Variants in ATP1B2 observed in about 807,000 individuals in gnomAD.
The protein encoded by ATP1B2 is sodium/potassium-transporting ATPase subunit beta-2.
ATP1B2 carries 12 observed loss-of-function variants against 37.3 expected under a neutral mutation model. That is an observed-to-expected ratio of 0.32 (90% CI 0.21 to 0.52). The LOEUF is 0.52. ATP1B2 is among the 20% of genes least tolerant of loss of function. The pLI, the probability that ATP1B2 is intolerant of heterozygous loss-of-function variation, is 0.96. For missense variants in ATP1B2, 324 were observed against 391.6 expected (o/e 0.83, Z 1.46); for synonymous variants, 139 against 140.5 (o/e 0.99, Z 0.07).
Position 7,656,071 on chromosome 17 carries a change from C to T in ATP1B2, c.*176C>T, listed in dbSNP as rs530539917. On this transcript the variant is annotated 3_prime_UTR_variant, in exon 7 of 7. Coordinates refer to ENST00000250111, the MANE Select transcript of ATP1B2 (RefSeq NM_001678.5). The stretch of plus-strand genomic sequence containing the variant: ...CCCAGCCTGAAGTCCATTGCGGTTC[C>T]GTCACTCGCCTTTCCCACCAACTTC... 1.1e-5 allele frequency: 9 copies of T among 834,318 alleles called. No homozygotes were observed. Among genetic ancestry groups the T allele is most frequent in the African/African-American group, 8.6e-5 (5 of 58,412 alleles). 51.7% of individuals were successfully genotyped at this position (834,318 alleles called of 1,614,324 possible). A position where few individuals can be genotyped will look rare whatever the true frequency, so the allele number is the denominator to read the frequency against.
intron 2 of ATP1B2, 74 bp downstream of exon 2, chr17:7,653,576 G>C (rs1393565674): frequency 6.3e-7 from 1 of 1,577,846 alleles, no homozygotes; most frequent in Non-Finnish European, 8.6e-7. Context: ...GGAACTCATA[G>C]TTCCTTCCAG....
Position 7,655,451 on chromosome 17 carries a change from A to C in ATP1B2, c.610-76A>C. 1 of 1,416,172 alleles carries C rather than the reference A, an allele frequency of 7.1e-7. No individual in the cohort carries two copies. Among genetic ancestry groups the C allele is most frequent in the East Asian group, 2.3e-5 (1 of 43,914 alleles). 87.7% of individuals were successfully genotyped at this position (1,416,172 alleles called of 1,614,324 possible). A position where few individuals can be genotyped will look rare whatever the true frequency, so the allele number is the denominator to read the frequency against. ...TGGGGCGAAGGAAGAACAAAAGAAC[A>C]AATGGAAGTCTGGTGAGCTCCTGGG... On this transcript the variant is annotated intron_variant, in intron 5 of 6. Transcript: ENST00000250111. The surrounding 1 kb of genome is among the most constrained non-coding windows in gnomAD (Gnocchi z 4.4).
Position 7,651,639 on chromosome 17 carries a change from GGCC to G in ATP1B2, c.112+11_112+13del. Reference sequence around the variant, plus strand: ...CACCGGGACCAGCTGGGGTACGCAGGGCCGGCACGCAAGGGGCGGGGGAAAGCC... The same window carrying G: ...CACCGGGACCAGCTGGGGTACGCAGGGGCACGCAAGGGGCGGGGGAAAGCC... On this transcript the variant is annotated intron_variant, in intron 1 of 6. Transcript: ENST00000250111. 1 of 1,586,048 alleles carries G rather than the reference GGCC, an allele frequency of 6.3e-7. No homozygotes were observed.
Position 7,653,772 on chromosome 17 carries a change from A to G in ATP1B2, c.242-69A>G, listed in dbSNP as rs1273486273. ...CCCCACTCTGGTGTTCCCTGTGTCC[A>G]TTTTCTTCCCTCTGTGTGCAGTCCC... On this transcript the variant is annotated intron_variant, in intron 2 of 6. Transcript: ENST00000250111. 4 of 1,499,226 alleles carry G rather than the reference A, an allele frequency of 2.7e-6. No individual in the cohort carries two copies. In the African/African-American group the frequency reaches 5.5e-5, roughly 21 times the overall value. The allele number at this position is 1,499,226 out of a possible 1,614,324, so 92.9% of individuals were successfully genotyped here.
Position 7,655,133 on chromosome 17 carries a change from C to G in ATP1B2, c.610-394C>G, listed in dbSNP as rs116625383. 459 of 323,244 alleles carry G rather than the reference C, an allele frequency of 1.4e-3. 6 individuals are homozygous for G. Among genetic ancestry groups the G allele is most frequent in the African/African-American group, 9.4e-3 (439 of 46,864 alleles). The allele number at this position is 323,244 out of a possible 1,614,324, so 20.0% of individuals were successfully genotyped here. On this transcript the variant is annotated intron_variant, in intron 5 of 6. Transcript: ENST00000250111. This position sits in a 1 kb window ranked among gnomAD's most constrained non-coding sequence, Gnocchi z 4.4. ...TGGGACCCTGTTCCCCGCTTCCCCC[C>G]CGGTCTGTCCTTTCTAGAAACTGGC...
chr17:7,653,573 A>C (rs2072628063), intron 2 of ATP1B2, 71 bp downstream of exon 2: 1 of 1,578,254 alleles, frequency 6.3e-7, no homozygotes, highest in Non-Finnish European at 8.6e-7. Context: ...GAAGGAACTC[A>C]TAGTTCCTTC....
In ATP1B2 at chr17:7,654,220, G is replaced by C; in HGVS notation, c.515G>C (p.Ser172Thr). 1 of 1,614,090 alleles carries C rather than the reference G, an allele frequency of 6.2e-7. No homozygotes were observed. Among genetic ancestry groups the C allele is most frequent in the African/African-American group, 1.3e-5 (1 of 75,048 alleles). Reference protein sequence around the residue: ...GIGDSTHYGYSTGQPCVFIKM... With the variant: ...GIGDSTHYGYTTGQPCVFIKM... ...GGGGACTCCACCCACTATGGTTACA[G>C]CACTGGGCAGCCCTGTGTCTTCATC... Residue 172 changes from serine (S) to threonine (T), a missense_variant, in exon 4 of 7, where the codon AGC (serine) becomes ACC (threonine). Physicochemically the swap from Ser to Thr is moderately conservative, Grantham distance 58. Coordinates refer to ENST00000250111, the MANE Select transcript of ATP1B2 (RefSeq NM_001678.5). This position sits in a 1 kb window ranked among gnomAD's most constrained non-coding sequence, Gnocchi z 4.9.
chr17:7,651,758 T>TG lies in ATP1B2; in HGVS notation c.112+131dup, dbSNP rs1371963994. Reference sequence around the variant, plus strand: ...GGCGTCCAGCCTCCCTGCCGGGCTCTGGGCTGGGAGGGGGCCGAATCGCCA... The same window carrying TG: ...GGCGTCCAGCCTCCCTGCCGGGCTCTGGGGCTGGGAGGGGGCCGAATCGCCA... On this transcript the variant is annotated intron_variant, in intron 1 of 6. Transcript: ENST00000250111. 5 of 808,258 alleles carry TG rather than the reference T, an allele frequency of 6.2e-6. No individual in the cohort carries two copies. In the East Asian group the frequency reaches 1.3e-4, roughly 21 times the overall value. 50.1% of individuals were successfully genotyped at this position (808,258 alleles called of 1,614,324 possible).
chr17:7,654,956 G>A lies in ATP1B2; in HGVS notation c.609+272G>A. The A allele has an allele frequency of 2.1e-6, 1 of 478,614 alleles. No homozygotes were observed. The highest frequency in any genetic ancestry group is 3.8e-6 in the Non-Finnish European group (1 of 264,410). The allele number at this position is 478,614 out of a possible 1,614,324, so 29.6% of individuals were successfully genotyped here. A position where few individuals can be genotyped will look rare whatever the true frequency, so the allele number is the denominator to read the frequency against. On this transcript the variant is annotated intron_variant, in intron 5 of 6. Coordinates refer to ENST00000250111, the MANE Select transcript of ATP1B2 (RefSeq NM_001678.5). This position sits in a 1 kb window ranked among gnomAD's most constrained non-coding sequence, Gnocchi z 4.9. ...TCCTCCACCAACGCCCTGGCCTCTG[G>A]CTTCTCTCCCTAACGCTTCCACCTT...
At chr17:7,652,096 C>T (rs1258745860) in intron 1 of ATP1B2, among the ~76,000 whole-genome samples, 1 of 151,962 alleles carries the variant, frequency 6.6e-6, no homozygotes. Flanking sequence ...TTCTTCACGG[C>T]GGAAGTTGTC....
chr17:7,651,670 G>A (rs1370527480), intron 1 of ATP1B2, 40 bp downstream of exon 1: 1 of 1,531,156 alleles, frequency 6.5e-7, no homozygotes, highest in South Asian at 1.2e-5. Context: ...GGAAAGCCGC[G>A]GGGCGACGCC....
rs375329674 is a variant in ATP1B2 at position 7,655,540 on chromosome 17, C to T, written c.623C>T (p.Ala208Val). ...VTCAGKRDEDAENLGNFVMFP... is the reference protein window; with the variant it reads ...VTCAGKRDEDVENLGNFVMFP... ...GCACCCCCACAGCGAGATGAAGATG[C>T]TGAGAATCTCGGCAACTTCGTCATG... The change falls in exon 6 of 7, where the codon GCT becomes GTT. Residue 208 changes from alanine (A) to valine (V), a missense_variant. Ala to Val is a moderately conservative substitution (Grantham distance 64). Coordinates refer to ENST00000250111, the MANE Select transcript of ATP1B2 (RefSeq NM_001678.5). The surrounding 1 kb of genome is among the most constrained non-coding windows in gnomAD (Gnocchi z 4.4). The T allele has an allele frequency of 7.4e-5, 119 of 1,614,072 alleles. No individual in the cohort carries two copies. Among genetic ancestry groups the T allele is most frequent in the Non-Finnish European group, 9.9e-5 (117 of 1,180,042 alleles).
At chr17:7,650,107 GCA>G (rs916646346), upstream of ATP1B2, among the ~76,000 whole-genome samples, 77 of 152,332 alleles carry the variant, frequency 5.1e-4, no homozygotes, top group African/African-American at 1.8e-3. Flanking sequence ...CAGGGCTACA[GCA>G]CACAGTCTAT....
rs1215982515 is a variant in ATP1B2 at position 7,651,493 on chromosome 17, G to A, written c.-26G>A. The stretch of plus-strand genomic sequence containing the variant: ...GCTTCTCCGCAACCCCCCGCCCCGC[G>A]CCCGGACTCGCCCCGCGCCACCAAG... On this transcript the variant is annotated 5_prime_UTR_variant, in exon 1 of 7. Coordinates refer to ENST00000250111, the MANE Select transcript of ATP1B2 (RefSeq NM_001678.5). 2.6e-6 allele frequency: 4 copies of A among 1,556,888 alleles called. No individual in the cohort carries two copies. Among genetic ancestry groups the A allele is most frequent in the Middle Eastern group, 1.8e-4 (1 of 5,654 alleles).
Position 7,654,760 on chromosome 17 carries a change from C to T in ATP1B2, c.609+76C>T, listed in dbSNP as rs778503640. 70 of 1,514,776 alleles carry T rather than the reference C, an allele frequency of 4.6e-5. 1 individual carries two copies. Among genetic ancestry groups the T allele is most frequent in the Non-Finnish European group, 6.1e-5 (67 of 1,090,114 alleles). The allele number at this position is 1,514,776 out of a possible 1,614,324, so 93.8% of individuals were successfully genotyped here. On this transcript the variant is annotated intron_variant, in intron 5 of 6. Coordinates refer to ENST00000250111, the MANE Select transcript of ATP1B2 (RefSeq NM_001678.5). The surrounding 1 kb of genome is among the most constrained non-coding windows in gnomAD (Gnocchi z 4.9). ...TGTCCTTCATGGTTTCTGTGTAATT[C>T]ACCTGTCTCTCCCTATCTTCTTTGC...
chr17:7,652,153 G>A (rs947371970), intron 1 of ATP1B2, among the ~76,000 whole-genome samples: 3 of 152,056 alleles, frequency 2.0e-5, no homozygotes, highest in Non-Finnish European at 2.9e-5. Context: ...CTGCTTTGTG[G>A]GTTGGGGGGC....
chr17:7,647,392 G>A (rs2072581528), upstream of ATP1B2, among the ~76,000 whole-genome samples: 2 of 152,100 alleles, frequency 1.3e-5, no homozygotes, highest in South Asian at 4.1e-4. Flanking sequence ...ATGTTAGGCG[G>A]GGCTCACACC....
Position 7,651,431 on chromosome 17 carries a change from T to G in ATP1B2, c.-88T>G. On this transcript the variant is annotated 5_prime_UTR_variant, in exon 1 of 7. Transcript: ENST00000250111. ...CCGCGCCGCCTTCGCTCCCCGTGCT[T>G]TTGGGTGTGTGGAGGGCTTCAGCGC... 1.6e-6 allele frequency: 2 copies of G among 1,212,276 alleles called. No individual in the cohort carries two copies. The highest frequency in any genetic ancestry group is 2.4e-6 in the Non-Finnish European group (2 of 849,078). The allele number at this position is 1,212,276 out of a possible 1,614,324, so 75.1% of individuals were successfully genotyped here.
At chr17:7,653,788 G>C (rs2072629390) in intron 2 of ATP1B2, 53 bp from the exon 3 acceptor site, 1 of 1,550,680 alleles carries the variant, frequency 6.4e-7, no homozygotes, top group East Asian at 2.2e-5. Context: ...TTCCCTCTGT[G>C]TGCAGTCCCT....
Sources: gnomAD v4.1 joint callset for allele counts (sites outside exome capture counted in the v4.1 genomes callset) on GRCh38, gnomAD v4.1.1 for gene constraint, Gnocchi (gnomAD v3.1) non-coding constraint, MANE v1.5 for transcripts, NCBI Gene and HGNC (gene_info 2026-07-23, HGNC 2026-07-21) for gene names.